Variants in FMNL1 observed in about 807,000 individuals in gnomAD.
FMNL1 encodes formin-like protein 1.
In FMNL1, 43 loss-of-function variants were observed where a neutral mutation model predicts 121.3. That is an observed-to-expected ratio of 0.35 (90% CI 0.28 to 0.46). The LOEUF (loss-of-function observed/expected upper bound fraction) is 0.46, where lower values mean the gene tolerates loss of function less well. Among genes scored for constraint, FMNL1 ranks in the 20% least tolerant of loss-of-function variants. The pLI is 1.00. For missense variants in FMNL1, 1,191 were observed against 1,482.4 expected (o/e 0.80, Z 3.23); for synonymous variants, 613 against 613.5 (o/e 1.00, Z 0.01).
At position 45,232,886 on chromosome 17, in the gene FMNL1, A is replaced by G. The variant is rs966459082; in HGVS notation, c.328-338A>G. The G allele has an allele frequency of 1.1e-5, 6 of 542,054 alleles. No individual in the cohort carries two copies. In the East Asian group the frequency reaches 2.7e-4, roughly 24 times the overall value. 33.6% of individuals were successfully genotyped at this position (542,054 alleles called of 1,614,324 possible). On this transcript the variant is annotated intron_variant, in intron 3 of 26. Coordinates refer to ENST00000331495, the MANE Select transcript of FMNL1 (RefSeq NM_005892.4). ...CCATGTATGGATGTGTGGATATTCT[A>G]TGTCTGTATTTAGAGTGCAGGTATA... is the stretch of plus-strand genomic sequence containing the variant.
In FMNL1 at chr17:45,247,302, T is replaced by G; in HGVS notation, c.*444T>G. 5.7e-5 allele frequency: 15 copies of G among 264,402 alleles called. No individual in the cohort carries two copies. The highest frequency in any genetic ancestry group is 7.0e-5 in the East Asian group (1 of 14,208). The allele number at this position is 264,402 out of a possible 1,614,324, so 16.4% of individuals were successfully genotyped here. ...GGACCTTATTTTTATATGAGATTAA[T>G]AAAGATGTTTGCAAAAGATCCGCGT... On this transcript the variant is annotated 3_prime_UTR_variant, in exon 27 of 27. Coordinates refer to ENST00000331495, the MANE Select transcript of FMNL1 (RefSeq NM_005892.4).
rs2043709900 is a variant in FMNL1 at position 45,241,968 on chromosome 17, T to C, written c.1707T>C (p.Pro569=). ...CGCCCCCACAGGCCCCGCCTCTCCC[T>C]GGCAGCCCGGAGCCCCCGCCTGCGC... ...PSAPPQAPPL[P]GSPEPPPAPP... The change falls in exon 15 of 27, where the codon CCT becomes CCC. Residue 569 remains proline (P), a synonymous_variant. Coordinates refer to ENST00000331495, the MANE Select transcript of FMNL1 (RefSeq NM_005892.4). This position sits in a 1 kb window ranked among gnomAD's most constrained non-coding sequence, Gnocchi z 7.0. The C allele has an allele frequency of 1.6e-6, 2 of 1,284,754 alleles. No individual in the cohort carries two copies. The highest frequency in any genetic ancestry group is 3.8e-5 in the South Asian group (2 of 52,416). 79.6% of individuals were successfully genotyped at this position (1,284,754 alleles called of 1,614,324 possible). A position where few individuals can be genotyped will look rare whatever the true frequency, so the allele number is the denominator to read the frequency against.
chr17:45,242,338 C>T lies in FMNL1; in HGVS notation c.1886-3C>T. 2 of 1,613,812 alleles carry T rather than the reference C, an allele frequency of 1.2e-6. No homozygotes were observed. The highest frequency in any genetic ancestry group is 1.7e-6 in the Non-Finnish European group (2 of 1,179,780). The stretch of plus-strand genomic sequence containing the variant: ...CACCACTGCCCCCAAACCCCCGTCC[C>T]AGGAGTGAAGGCCAAGAAGCCCATC... On this transcript the variant is annotated splice_polypyrimidine_tract_variant and splice_region_variant and intron_variant, in intron 15 of 26. Coordinates refer to ENST00000331495, the MANE Select transcript of FMNL1 (RefSeq NM_005892.4).
intron 17 of FMNL1, 81 bp downstream of exon 17, chr17:45,243,401 G>C: frequency 6.7e-7 from 1 of 1,494,450 alleles, no homozygotes; most frequent in Non-Finnish European, 9.1e-7. Context: ...TAGTAAAAGA[G>C]CCTCAATGGT....
intron 12 of FMNL1, chr17:45,240,841 C>A: frequency 3.9e-6 from 3 of 765,056 alleles, no homozygotes; most frequent in South Asian, 1.9e-5. Flanking sequence ...CACTGACAGG[C>A]CCCTCCTCTA....
rs1006818495 is a variant in FMNL1 at position 45,245,624 on chromosome 17, G to A, written c.2893-8G>A. 6.2e-7 allele frequency: 1 copy of A among 1,613,790 alleles called. No individual in the cohort carries two copies. Among genetic ancestry groups the A allele is most frequent in the African/African-American group, 1.3e-5 (1 of 74,912 alleles). ...CTAAGCTGGGGGGCTGACAGGCTGT[G>A]CCCACAGGAGGCCTTTGAGTCTGTG... On this transcript the variant is annotated splice_region_variant and splice_polypyrimidine_tract_variant and intron_variant, in intron 22 of 26. Transcript: ENST00000331495.
chr17:45,239,194 G>C (rs1354921691), intron 11 of FMNL1, 129 bp downstream of exon 11: 2 of 726,480 alleles, frequency 2.8e-6, no homozygotes, highest in East Asian at 2.6e-5. Context: ...TGCCTGCCGT[G>C]TGACCTTGGA....
At position 45,233,066 on chromosome 17, in the gene FMNL1, G is replaced by A. The variant is rs1311368485; in HGVS notation, c.328-158G>A. The A allele has an allele frequency of 2.8e-6, 2 of 721,260 alleles. No homozygotes were observed. The highest frequency in any genetic ancestry group is 3.0e-5 in the South Asian group (2 of 67,194). The allele number at this position is 721,260 out of a possible 1,614,324, so 44.7% of individuals were successfully genotyped here. A position where few individuals can be genotyped will look rare whatever the true frequency, so the allele number is the denominator to read the frequency against. On this transcript the variant is annotated intron_variant, in intron 3 of 26. Transcript: ENST00000331495. The surrounding 1 kb of genome is among the most constrained non-coding windows in gnomAD (Gnocchi z 4.1). ...CATGTAGCCTGTGAGTTCTTATTCT[G>A]CTGGGCAGGTGTGTGGAGGTGGTGG...
intron 23 of FMNL1, 56 bp from the exon 24 acceptor site, chr17:45,245,822 G>T: frequency 6.2e-7 from 1 of 1,602,626 alleles, no homozygotes; most frequent in South Asian, 1.1e-5. Flanking sequence ...TTCTGTTTAG[G>T]GGGTGGGTAG....
At chr17:45,232,977 G>A (rs1300167573) in intron 3 of FMNL1, 4 of 621,802 alleles carry the variant, frequency 6.4e-6, no homozygotes, top group Non-Finnish European at 1.2e-5. Context: ...GTGTGCATGT[G>A]TATACCTTGT....
At position 45,233,113 on chromosome 17, in the gene FMNL1, C is replaced by T. The variant is rs1449812778; in HGVS notation, c.328-111C>T. On this transcript the variant is annotated intron_variant, in intron 3 of 26. Coordinates refer to ENST00000331495, the MANE Select transcript of FMNL1 (RefSeq NM_005892.4). This position sits in a 1 kb window ranked among gnomAD's most constrained non-coding sequence, Gnocchi z 4.1. ...GTGGGGGAGGCTGAGCATGAAAGGC[C>T]ACTTGTGCCAGTTGGAGGAGGGTGG... 7 of 1,062,868 alleles carry T rather than the reference C, an allele frequency of 6.6e-6. No homozygotes were observed. Among genetic ancestry groups the T allele is most frequent in the Non-Finnish European group, 9.9e-6 (7 of 706,388 alleles). 65.8% of individuals were successfully genotyped at this position (1,062,868 alleles called of 1,614,324 possible).
At position 45,241,868 on chromosome 17, in the gene FMNL1, C is replaced by G; in HGVS notation, c.1607C>G (p.Pro536Arg). ...PSPDLAPAAEPAPGAAPPPPP... is the reference protein window; with the variant it reads ...PSPDLAPAAERAPGAAPPPPP... ...TCAGATCTCGCACCTGCAGCAGAGCCGGCTCCCGGAGCAGCGCCACCGCCG... is the reference window on the plus strand; with the variant it reads ...TCAGATCTCGCACCTGCAGCAGAGCGGGCTCCCGGAGCAGCGCCACCGCCG... Residue 536 changes from proline to arginine, a missense_variant, in exon 15 of 27, where the codon CCG (proline) becomes CGG (arginine). Transcript: ENST00000331495. The surrounding 1 kb of genome is among the most constrained non-coding windows in gnomAD (Gnocchi z 7.0). The G allele has an allele frequency of 1.4e-6, 2 of 1,433,522 alleles. No individual in the cohort carries two copies. The highest frequency in any genetic ancestry group is 1.4e-5 in the South Asian group (1 of 70,276). 88.8% of individuals were successfully genotyped at this position (1,433,522 alleles called of 1,614,324 possible).
At chr17:45,232,843 ATG>A (rs112855430) in intron 3 of FMNL1, 4,672 of 463,000 alleles carry the variant, frequency 0.01, 9 homozygotes, top group African/African-American at 0.021. Flanking sequence ...GAGAGAGAGA[ATG>A]TGTGTGTGTG....
At position 45,222,233 on chromosome 17, in the gene FMNL1, G is replaced by T; in HGVS notation, c.109G>T (p.Glu37Ter). The T allele has an allele frequency of 8.0e-7, 1 of 1,243,436 alleles. No homozygotes were observed. The allele number at this position is 1,243,436 out of a possible 1,614,324, so 77.0% of individuals were successfully genotyped here. A position where few individuals can be genotyped will look rare whatever the true frequency, so the allele number is the denominator to read the frequency against. The change falls in exon 1 of 27, where the codon GAG (glutamate) becomes TAG (stop). Residue 37 changes from glutamate to a stop codon, truncating the protein, a stop_gained. Transcript: ENST00000331495. LOFTEE classifies it high-confidence loss of function. Reference sequence around the variant, plus strand: ...GATGCCCGCGGCCGGAGAGCTGGAGGAGAGGTTCAACCGCGCCCTGGTGAG... The same window carrying T: ...GATGCCCGCGGCCGGAGAGCTGGAGTAGAGGTTCAACCGCGCCCTGGTGAG... ...QPMPAAGELEERFNRALNCMN... is the reference protein window; with the variant it reads ...QPMPAAGELE
chr17:45,244,375 A>C, intron 19 of FMNL1, 131 bp downstream of exon 19: 2 of 1,202,796 alleles, frequency 1.7e-6, no homozygotes, highest in Non-Finnish European at 2.3e-6. Flanking sequence ...AGAAGGACAA[A>C]TCTAAGGGTG....
chr17:45,236,391 TTTTA>T, intron 7 of FMNL1, 147 bp downstream of exon 7: 1 of 640,538 alleles, frequency 1.6e-6, no homozygotes, highest in Non-Finnish European at 2.7e-6. Flanking sequence ...TGGCTCAGGC[TTTTA>T]AGGCTGATGA....
chr17:45,238,759 T>C, intron 10 of FMNL1, 121 bp downstream of exon 10: 2 of 1,307,878 alleles, frequency 1.5e-6, no homozygotes, highest in Non-Finnish European at 2.2e-6. Flanking sequence ...GACTGAGTGG[T>C]CAGTAGGGGA....
rs1285346859 is a variant in FMNL1 at position 45,242,463 on chromosome 17, C to A, written c.2008C>A (p.Gln670Lys). 7.4e-6 allele frequency: 12 copies of A among 1,613,206 alleles called. No individual in the cohort carries two copies. In the Admixed American group the frequency reaches 2.0e-4, roughly 27 times the overall value. Residue 670 changes from glutamine to lysine, a missense_variant and splice_region_variant, in exon 16 of 27, where the codon CAG becomes AAG. This residue lies in a region of FMNL1 where 519 missense variants were observed against 492.8 expected (regional missense o/e 1.05). Coordinates refer to ENST00000331495, the MANE Select transcript of FMNL1 (RefSeq NM_005892.4). ...FTELNDEKVL[Q>K]ELDMSDFEEQ... ...AGAGCTCAATGATGAGAAGGTGCTG[C>A]AGGTGAGTGGCCCTGCCTGGCTCCC...
chr17:45,230,666 G>A lies in FMNL1; in HGVS notation c.192G>A (p.Lys64=). Reference sequence around the variant, plus strand: ...TGAGCCAGTATGACAACGAGAAGAAGTGGGAGCTCATCTGTGATCAGGTAG... The same window carrying A: ...TGAGCCAGTATGACAACGAGAAGAAATGGGAGCTCATCTGTGATCAGGTAG... ...QLLSQYDNEK[K]WELICDQERF... Residue 64 remains lysine (K), a synonymous_variant, in exon 2 of 27, where the codon AAG becomes AAA. Coordinates refer to ENST00000331495, the MANE Select transcript of FMNL1 (RefSeq NM_005892.4). 1.2e-6 allele frequency: 2 copies of A among 1,613,914 alleles called. No individual in the cohort carries two copies. Among genetic ancestry groups the A allele is most frequent in the Middle Eastern group, 3.3e-4 (2 of 6,058 alleles).
Sources: gnomAD v4.1 joint callset for allele counts on GRCh38, gnomAD v4.1.1 for gene constraint, gnomAD v4.1.1 regional missense constraint, Gnocchi (gnomAD v3.1) non-coding constraint, MANE v1.5 for transcripts, NCBI Gene and HGNC (gene_info 2026-07-23, HGNC 2026-07-21) for gene names.